Variants in LIMS2 observed in about 807,000 individuals in gnomAD.
The protein encoded by LIMS2 is LIM and senescent cell antigen-like-containing domain protein 2.
In LIMS2, 30 loss-of-function variants were observed where a neutral mutation model predicts 45.3. That is an observed-to-expected ratio of 0.66 (90% CI 0.50 to 0.90). The LOEUF (loss-of-function observed/expected upper bound fraction) is 0.90, where lower values mean the gene tolerates loss of function less well. LIMS2 is among the 40% of genes least tolerant of loss of function. The pLI is 0.00. For synonymous variants in LIMS2, 173 were observed against 188.0 expected, an observed-to-expected ratio of 0.92 and a Z score of 0.65; for missense variants, 485 against 468.7, an observed-to-expected ratio of 1.03 and a Z score of -0.32.
At chr2:127,654,986 G>A (rs1044507744) in intron 2 of LIMS2, 90 bp from the exon 3 acceptor site, 2 of 1,226,854 alleles carry the variant, frequency 1.6e-6, no homozygotes, top group African/African-American at 3.0e-5. Flanking sequence ...CCTGACAGCA[G>A]GGGATGAGGC....
intron 1 of LIMS2, among the ~76,000 whole-genome samples, chr2:127,658,373 A>G (rs1416777898): frequency 1.3e-5 from 2 of 152,242 alleles, no homozygotes; most frequent in Non-Finnish European, 1.5e-5. Context: ...CAACAGAGCA[A>G]GACCCTGTCT....
At chr2:127,677,492 C>T (rs72968915), upstream of LIMS2, among the ~76,000 whole-genome samples, 8,774 of 152,076 alleles carry the variant, frequency 0.058, 508 homozygotes, top group African/African-American at 0.15. This position sits in a 1 kb window ranked among gnomAD's most constrained non-coding sequence, Gnocchi z 5.0. Flanking sequence ...CAGCCATCTG[C>T]AGGAAAAGCA....
chr2:127,654,454 G>A lies in LIMS2; in HGVS notation c.329C>T (p.Ala110Val), dbSNP rs947667453. The change falls in exon 4 of 10, where the codon GCT (alanine) becomes GTT (valine). Residue 110 changes from alanine (A) to valine (V), a missense_variant. By Grantham distance (64) the Ala-to-Val change is moderately conservative. Coordinates refer to ENST00000355119, the MANE Select transcript of LIMS2 (RefSeq NM_001161403.3). ...FRCELCDVELADLGFVKNAGR... is the reference protein window; with the variant it reads ...FRCELCDVELVDLGFVKNAGR... ...GGCATTCTTCACAAAGCCCAGGTCA[G>A]CCAGCTCCACATCACACAGCTCGCA... is the stretch of plus-strand genomic sequence containing the variant. The A allele has an allele frequency of 1.1e-5, 18 of 1,614,036 alleles. No homozygotes were observed. The African/African-American group carries it at 2.3e-4, about 20-fold the overall frequency.
chr2:127,668,668 CAAAAAA>C (rs70985469), intron 1 of LIMS2, among the ~76,000 whole-genome samples: 2 of 17,264 alleles, frequency 1.2e-4, no homozygotes, highest in African/African-American at 1.8e-4. Flanking sequence ...GACTCCGTCT[CAAAAAA>C]AAAAAAAAAA....
chr2:127,670,568 T>C (rs975515310), intron 1 of LIMS2, among the ~76,000 whole-genome samples: 3 of 152,244 alleles, frequency 2.0e-5, no homozygotes, highest in South Asian at 2.1e-4. Context: ...TTGCACAGCC[T>C]TGTGAATGCA....
In LIMS2 at chr2:127,651,767, C is replaced by T. The variant is rs891318648; in HGVS notation, c.359+2657G>A. On this transcript the variant is annotated intron_variant, in intron 4 of 9. Transcript: ENST00000355119. ...AGTCAGAGCTGTGAGCGGGGGGCGC[C>T]GTCCAGGCCGAGCGCAGACTGTTTA... The T allele has an allele frequency of 5.6e-6, 9 of 1,607,712 alleles. No individual in the cohort carries two copies. In the African/African-American group the frequency reaches 8.0e-5, roughly 14 times the overall value.
intron 1 of LIMS2, among the ~76,000 whole-genome samples, chr2:127,660,530 C>G (rs950167754): frequency 6.6e-6 from 1 of 152,120 alleles, no homozygotes; most frequent in Non-Finnish European, 1.5e-5. Flanking sequence ...CCTTTAAGAA[C>G]TGTAACACTC....
At chr2:127,679,598 A>C (rs1214577473), upstream of LIMS2, among the ~76,000 whole-genome samples, 2 of 151,536 alleles carry the variant, frequency 1.3e-5, no homozygotes, top group African/African-American at 4.9e-5. The surrounding 1 kb of genome is among the most constrained non-coding windows in gnomAD (Gnocchi z 5.3). Context: ...CAGGTACCCG[A>C]GTTTCTCCAC....
chr2:127,648,965 G>A (rs1573781556), intron 4 of LIMS2, among the ~76,000 whole-genome samples: 1 of 23,402 alleles, frequency 4.3e-5, no homozygotes, highest in African/African-American at 1.8e-4. Flanking sequence ...GGGAGGGGAG[G>A]GGGGGAGGGG....
chr2:127,639,423 T>A lies in LIMS2; in HGVS notation c.884A>T (p.Lys295Met). Reference sequence around the variant, plus strand: ...GGGCTTCATGTCGAACTCCACAAACTTGTTCCTGAGGAGGAAGCTGAGCTG... The same window carrying A: ...GGGCTTCATGTCGAACTCCACAAACATGTTCCTGAGGAGGAAGCTGAGCTG... ...TCNSKLTLKNKFVEFDMKPVC... is the reference protein window; with the variant it reads ...TCNSKLTLKNMFVEFDMKPVC... Residue 295 changes from lysine to methionine, a missense_variant, in exon 10 of 10, where the codon AAG (lysine) becomes ATG (methionine). Physicochemically the swap from Lys to Met is moderately conservative, Grantham distance 95. Coordinates refer to ENST00000355119, the MANE Select transcript of LIMS2 (RefSeq NM_001161403.3). The A allele has an allele frequency of 6.2e-7, 1 of 1,613,630 alleles. No individual in the cohort carries two copies. The highest frequency in any genetic ancestry group is 8.5e-7 in the Non-Finnish European group (1 of 1,179,798).
At chr2:127,659,093 T>C (rs1191689825) in intron 1 of LIMS2, among the ~76,000 whole-genome samples, 1 of 151,896 alleles carries the variant, frequency 6.6e-6, no homozygotes, top group African/African-American at 2.4e-5. Flanking sequence ...GCATGGGCTG[T>C]GGGCGGAGGG....
intron 4 of LIMS2, among the ~76,000 whole-genome samples, chr2:127,649,644 CCTT>C (rs1683494162): frequency 1.3e-5 from 2 of 152,240 alleles, no homozygotes; most frequent in Admixed American, 6.5e-5. Context: ...CCCTCACTCT[CCTT>C]CTTCAATCTT....
chr2:127,674,567 T>C, intron 1 of LIMS2: 1 of 928,786 alleles, frequency 1.1e-6, no homozygotes, highest in African/African-American at 1.8e-5. Context: ...TTAACATTTT[T>C]ACCACCCCAG....
chr2:127,640,949 G>A lies in LIMS2; in HGVS notation c.700C>T (p.His234Tyr). The change falls in exon 7 of 10, where the codon CAC (histidine) becomes TAC (tyrosine). Residue 234 changes from histidine to tyrosine, a missense_variant. Transcript: ENST00000355119. Reference sequence around the variant, plus strand: ...AGGCCCTTCTTCTCATAGTGCCGGTGCCCCAGGAATGGCTTCTCACACTTG... The same window carrying A: ...AGGCCCTTCTTCTCATAGTGCCGGTACCCCAGGAATGGCTTCTCACACTTG... The part of the protein sequence containing the change: ...CAKCEKPFLG[H>Y]RHYEKKGLAY... The A allele has an allele frequency of 6.2e-7, 1 of 1,613,964 alleles. No individual in the cohort carries two copies. Among genetic ancestry groups the A allele is most frequent in the African/African-American group, 1.3e-5 (1 of 75,046 alleles).
At chr2:127,679,440 G>A (rs188432313), upstream of LIMS2, among the ~76,000 whole-genome samples, 115 of 128,278 alleles carry the variant, frequency 9.0e-4, 1 homozygote, top group African/African-American at 3.7e-3. The surrounding 1 kb of genome is among the most constrained non-coding windows in gnomAD (Gnocchi z 5.3). Context: ...CTTAGTCTTC[G>A]CTGGGGGACA....
At chr2:127,677,817 G>T (rs955715798), upstream of LIMS2, among the ~76,000 whole-genome samples, 13 of 152,128 alleles carry the variant, frequency 8.5e-5, no homozygotes, top group African/African-American at 3.1e-4. The surrounding 1 kb of genome is among the most constrained non-coding windows in gnomAD (Gnocchi z 5.0). Flanking sequence ...ATTTGTCTGT[G>T]GTAGAAAAAA....
rs1447196355 is a variant in LIMS2, at chr2:127,642,688, T to C, written c.509+235A>G. ...CTAGGGGTCCAGCCCACCCGCCTCC[T>C]GAGTCTCAAGTGCCCCCCAAACAGA... On this transcript the variant is annotated intron_variant, in intron 5 of 9. Coordinates refer to ENST00000355119, the MANE Select transcript of LIMS2 (RefSeq NM_001161403.3). The surrounding 1 kb of genome is among the most constrained non-coding windows in gnomAD (Gnocchi z 5.3). 3.7e-6 allele frequency: 2 copies of C among 546,200 alleles called. No individual in the cohort carries two copies. Among genetic ancestry groups the C allele is most frequent in the Non-Finnish European group, 6.5e-6 (2 of 307,202 alleles). 33.8% of individuals were successfully genotyped at this position (546,200 alleles called of 1,614,324 possible).
chr2:127,659,296 C>T (rs1231001581), intron 1 of LIMS2, among the ~76,000 whole-genome samples: 2 of 152,204 alleles, frequency 1.3e-5, no homozygotes, highest in African/African-American at 4.8e-5. Context: ...ACCAAAGCCA[C>T]CATGCGAGCC....
intron 4 of LIMS2, chr2:127,643,318 T>C (rs1438123231): frequency 7.1e-6 from 4 of 566,944 alleles, no homozygotes; most frequent in African/African-American, 5.6e-5. Context: ...TGTCTCTGGA[T>C]GGTATTTTCC....
Sources: gnomAD v4.1 joint callset for allele counts (sites outside exome capture counted in the v4.1 genomes callset) on GRCh38, gnomAD v4.1.1 for gene constraint, Gnocchi (gnomAD v3.1) non-coding constraint, MANE v1.5 for transcripts, NCBI Gene and HGNC (gene_info 2026-07-23, HGNC 2026-07-21) for gene names.